The following LINGO1 variants were observed in gnomAD, a reference collection of about 807,000 sequenced individuals.
LINGO1 encodes leucine-rich repeat and immunoglobulin-like domain-containing nogo receptor-interacting protein 1.
In LINGO1, 11 loss-of-function variants were observed where a neutral mutation model predicts 37.3. That is an observed-to-expected ratio of 0.29 (90% CI 0.19 to 0.49). The LOEUF (loss-of-function observed/expected upper bound fraction) is 0.49, where lower values mean the gene tolerates loss of function less well. Among genes scored for constraint, LINGO1 ranks in the 20% least tolerant of loss-of-function variants. LINGO1 has a pLI of 0.99. For synonymous variants in LINGO1, 387 were observed against 403.0 expected, an observed-to-expected ratio of 0.96 and a Z score of 0.48; for missense variants, 585 against 878.2, an observed-to-expected ratio of 0.67 and a Z score of 4.22.
chr15:77,812,018 T>C (rs781179458), intron 1 of LINGO1, among the ~76,000 whole-genome samples: 21 of 152,026 alleles, frequency 1.4e-4, no homozygotes, highest in Non-Finnish European at 2.1e-4. Context: ...GCTCCTGGTA[T>C]GCCTGAAAGG....
chr15:77,780,778 C>T (rs552730292), intron 1 of LINGO1, among the ~76,000 whole-genome samples: 2 of 151,912 alleles, frequency 1.3e-5, no homozygotes, highest in Non-Finnish European at 2.9e-5. Context: ...CTCCTCCCCC[C>T]ACCCCCACCA....
At chr15:77,639,173 G>C (rs2074451026), upstream of LINGO1, among the ~76,000 whole-genome samples, 1 of 152,100 alleles carries the variant, frequency 6.6e-6, no homozygotes. Flanking sequence ...CTGATGTCTA[G>C]ATGGGAGCCT....
At chr15:77,657,290 G>C (rs114256597) in intron 3 of LINGO1, among the ~76,000 whole-genome samples, 2,364 of 151,960 alleles carry the variant, frequency 0.016, 47 homozygotes, top group African/African-American at 0.053. Flanking sequence ...GCTAGTCATG[G>C]GGCATCTTGA....
rs1422703167 is a variant in LINGO1, at chr15:77,759,676, GACC to G, written c.-256-24626_-256-24624del. On this transcript the variant is annotated intron_variant, in intron 1 of 3. Coordinates refer to the LINGO1 transcript ENST00000561686. ...TGTCTCATGCCCAGCTGAGAAAGGA[GACC>G]ACATTAGACAGTGACGCACTGGAGC... 1.3e-5 allele frequency among the ~76,000 whole-genome samples: 2 copies of G among 152,230 alleles called. 1 individual carries two copies. Among genetic ancestry groups the G allele is most frequent in the African/African-American group, 4.8e-5 (2 of 41,456 alleles).
chr15:77,771,759 G>A (rs772615164), intron 1 of LINGO1, among the ~76,000 whole-genome samples: 1 of 152,260 alleles, frequency 6.6e-6, no homozygotes, highest in Admixed American at 6.5e-5. Context: ...CCTACATGTC[G>A]ACAGGGTGTT....
rs572935239 is a variant in LINGO1 at position 77,748,159 on chromosome 15, G to A, written c.-256-13106C>T. Reference sequence around the variant, plus strand: ...ACCAACAGCCCTGCTGGGCCCCAGCGGGTGTGAACACCAGGACTAGAAACC... The same window carrying A: ...ACCAACAGCCCTGCTGGGCCCCAGCAGGTGTGAACACCAGGACTAGAAACC... On this transcript the variant is annotated intron_variant, in intron 1 of 3. Transcript: ENST00000561686. 1.8e-4 allele frequency among the ~76,000 whole-genome samples: 27 copies of A among 152,300 alleles called. No homozygotes were observed. The South Asian group carries it at 2.3e-3, about 13-fold the overall frequency.
chr15:77,792,518 A>G (rs2076826043), intron 2 of LINGO1, among the ~76,000 whole-genome samples: 1 of 152,206 alleles, frequency 6.6e-6, no homozygotes, highest in Admixed American at 6.5e-5. Flanking sequence ...CCAGAGCTCC[A>G]TAAGGCCTAC....
At position 77,811,514 on chromosome 15, in the gene LINGO1, C is replaced by A. The variant is rs572965328; in HGVS notation, c.-458+8744G>T. 3.3e-4 allele frequency among the ~76,000 whole-genome samples: 50 copies of A among 150,438 alleles called. 1 individual carries two copies. The highest frequency in any genetic ancestry group is 1.1e-3 in the African/African-American group (47 of 41,250). On this transcript the variant is annotated intron_variant, in intron 1 of 5. Transcript: ENST00000562933. ...CCCACCTAAGCAAGTTGGGAGCAGG[C>A]ACTCCAGCCTGGGGTTTTCCTGGCT...
chr15:77,660,974 G>A (rs1383594474), intron 3 of LINGO1, among the ~76,000 whole-genome samples: 1 of 152,204 alleles, frequency 6.6e-6, no homozygotes, highest in Non-Finnish European at 1.5e-5. Context: ...CAGGGTCAGG[G>A]GGTGATTATG....
intron 1 of LINGO1, among the ~76,000 whole-genome samples, chr15:77,797,599 G>C (rs369652346): frequency 4.6e-5 from 7 of 152,208 alleles, no homozygotes; most frequent in African/African-American, 1.7e-4. Flanking sequence ...AGCTGGCATC[G>C]AACCAGCACC....
At chr15:77,753,590 G>A (rs1015167029) in intron 1 of LINGO1, among the ~76,000 whole-genome samples, 1 of 152,234 alleles carries the variant, frequency 6.6e-6, no homozygotes, top group African/African-American at 2.4e-5. Flanking sequence ...TTGGATTGCT[G>A]TTTCTGGGCA....
chr15:77,641,779 G>A (rs1336184797), intron 3 of LINGO1: 7 of 444,538 alleles, frequency 1.6e-5, no homozygotes, highest in Admixed American at 2.4e-5. Context: ...CGGGGCTGTG[G>A]CTGTCCCAGC....
chr15:77,812,198 C>T (rs937577135), intron 1 of LINGO1, among the ~76,000 whole-genome samples: 1 of 152,200 alleles, frequency 6.6e-6, no homozygotes, highest in Non-Finnish European at 1.5e-5. Context: ...GTCTTGTGAC[C>T]ACACCTCCCC....
At chr15:77,638,090 G>A (rs185328252), upstream of LINGO1, among the ~76,000 whole-genome samples, 19 of 152,348 alleles carry the variant, frequency 1.2e-4, no homozygotes, top group African/African-American at 3.8e-4. Context: ...CTGGGAATCC[G>A]GGGAAGCCCA....
chr15:77,715,587 G>A (rs1167119915), intron 2 of LINGO1, among the ~76,000 whole-genome samples: 2 of 152,214 alleles, frequency 1.3e-5, no homozygotes, highest in African/African-American at 2.4e-5. Flanking sequence ...CCCCGGGCAA[G>A]TCACATAACA....
chr15:77,779,557 G>A (rs139543562), intron 1 of LINGO1, among the ~76,000 whole-genome samples: 250 of 152,108 alleles, frequency 1.6e-3, no homozygotes, highest in African/African-American at 5.3e-3. Flanking sequence ...TTCTCCTAAG[G>A]AGAGTGCTAC....
At chr15:77,793,789 G>A (rs2076836347) in intron 2 of LINGO1, among the ~76,000 whole-genome samples, 1 of 152,212 alleles carries the variant, frequency 6.6e-6, no homozygotes, top group African/African-American at 2.4e-5. Flanking sequence ...TTAGAAAACA[G>A]TAAGTACAGC....
chr15:77,696,941 C>A (rs890999860), upstream of LINGO1, among the ~76,000 whole-genome samples: 6 of 152,266 alleles, frequency 3.9e-5, no homozygotes, highest in African/African-American at 1.4e-4. Flanking sequence ...ACCAGGGCAG[C>A]CGGGCCAGGA....
chr15:77,716,568 C>T (rs114540731), intron 2 of LINGO1, among the ~76,000 whole-genome samples: 2,051 of 150,144 alleles, frequency 0.014, 68 homozygotes, highest in African/African-American at 0.047. Context: ...TACACACACA[C>T]GTCTATGCAG....
Sources: gnomAD v4.1 joint callset for allele counts (sites outside exome capture counted in the v4.1 genomes callset) on GRCh38, gnomAD v4.1.1 for gene constraint, MANE v1.5 for transcripts, NCBI Gene and HGNC (gene_info 2026-07-23, HGNC 2026-07-21) for gene names.